Variants in DOCK3 observed in about 807,000 individuals in gnomAD.
DOCK3 encodes the protein dedicator of cytokinesis 3.
DOCK3 carries 60 observed loss-of-function variants against 265.6 expected under a neutral mutation model. The observed-to-expected ratio is 0.23, with a 90% CI of 0.18 to 0.28. The LOEUF (loss-of-function observed/expected upper bound fraction) is 0.28, where lower values mean the gene tolerates loss of function less well. Ranked by LOEUF, DOCK3 falls within the 10% of genes least tolerant of loss-of-function variation. DOCK3 has a pLI of 1.00. For missense variants in DOCK3, 1,981 were observed against 2,594.3 expected (o/e 0.76, Z 5.14); for synonymous variants, 881 against 938.0 (o/e 0.94, Z 1.11).
chr3:50,849,209 AT>A (rs1414633586), intron 3 of DOCK3, among the ~76,000 whole-genome samples: 1 of 149,990 alleles, frequency 6.7e-6, no homozygotes, highest in Non-Finnish European at 1.5e-5. Flanking sequence ...TAATTTTTTA[AT>A]TTTTTGTAGA....
intron 38 of DOCK3, among the ~76,000 whole-genome samples, chr3:51,344,434 A>G (rs1450090006): frequency 6.6e-6 from 1 of 152,238 alleles, no homozygotes; most frequent in Admixed American, 6.5e-5. Flanking sequence ...CAGCTGGCCA[A>G]CATGGTGAAA....
chr3:50,719,266 TTC>T (rs199501917), intron 1 of DOCK3, among the ~76,000 whole-genome samples: 394 of 36,672 alleles, frequency 0.011, 1 homozygote, highest in African/African-American at 0.061. Context: ...TTTAGATATT[TTC>T]TTTTTTTTTT....
Position 51,208,906 on chromosome 3 carries a change from G to C in DOCK3, c.1126+44G>C, listed in dbSNP as rs1164489241. On this transcript the variant is annotated intron_variant, in intron 13 of 52. Coordinates refer to ENST00000266037, the MANE Select transcript of DOCK3 (RefSeq NM_004947.5). ...TAGAACATTTTGTGTTACATTTGTA[G>C]TTGCTACTCATACAGCACTTAGATT... 4.5e-6 allele frequency: 7 copies of C among 1,548,428 alleles called. No homozygotes were observed. The African/African-American group carries it at 8.2e-5, about 18-fold the overall frequency.
chr3:51,271,807 C>T (rs925730295), intron 24 of DOCK3, among the ~76,000 whole-genome samples: 10 of 149,626 alleles, frequency 6.7e-5, no homozygotes, highest in African/African-American at 1.5e-4. Context: ...GCCAAGATCA[C>T]GCCATTGTAC....
At chr3:50,804,083 G>A (rs953060164) in intron 2 of DOCK3, among the ~76,000 whole-genome samples, 4 of 149,004 alleles carry the variant, frequency 2.7e-5, no homozygotes, top group Admixed American at 1.3e-4. Flanking sequence ...GGGCAGAGGC[G>A]CTCCTTACAT....
At chr3:50,724,831 T>G (rs1312825412) in intron 1 of DOCK3, among the ~76,000 whole-genome samples, 1 of 151,902 alleles carries the variant, frequency 6.6e-6, no homozygotes, top group African/African-American at 2.4e-5. Flanking sequence ...ACTTAAAGTA[T>G]ATATAAAAAG....
At chr3:50,679,318 T>A (rs770733645) in intron 1 of DOCK3, among the ~76,000 whole-genome samples, 4 of 152,182 alleles carry the variant, frequency 2.6e-5, no homozygotes, top group Non-Finnish European at 5.9e-5. Flanking sequence ...GCTTATTTTT[T>A]ATTAATCCCT....
intron 1 of DOCK3, among the ~76,000 whole-genome samples, chr3:50,701,127 G>GTT (rs372596576): frequency 0.066 from 7,516 of 113,336 alleles, 667 homozygotes; most frequent in East Asian, 0.33. Flanking sequence ...TGTGGCCCTT[G>GTT]TTTTTTTTTT....
intron 9 of DOCK3, among the ~76,000 whole-genome samples, chr3:51,112,663 G>A (rs1233917871): frequency 2.0e-5 from 3 of 152,202 alleles, no homozygotes; most frequent in African/African-American, 7.2e-5. Context: ...TTAGAGGTAT[G>A]TGAAGTGGGA....
chr3:51,018,944 C>T (rs1007982254), intron 5 of DOCK3, among the ~76,000 whole-genome samples: 2 of 151,864 alleles, frequency 1.3e-5, no homozygotes, highest in Admixed American at 1.3e-4. Context: ...TAGTCTCCTA[C>T]ACTGTAGCTT....
intron 5 of DOCK3, among the ~76,000 whole-genome samples, chr3:51,021,685 G>A (rs1373689839): frequency 8.5e-6 from 1 of 117,948 alleles, no homozygotes; most frequent in Non-Finnish European, 1.7e-5. Flanking sequence ...TTTTTGAGAC[G>A]GAGTCTCGCA....
intron 7 of DOCK3, 110 bp from the exon 8 acceptor site, chr3:51,089,133 T>C: frequency 9.2e-7 from 1 of 1,089,604 alleles, no homozygotes; most frequent in Non-Finnish European, 1.3e-6. Flanking sequence ...CAGAATTAAA[T>C]GAGATCATGA....
intron 21 of DOCK3, among the ~76,000 whole-genome samples, chr3:51,241,069 T>G (rs1013878705): frequency 2.0e-5 from 3 of 152,186 alleles, no homozygotes; most frequent in Admixed American, 1.3e-4. Context: ...GTATTGGTCT[T>G]TTCTTTGCGT....
At chr3:51,148,150 T>C (rs990550760) in intron 10 of DOCK3, among the ~76,000 whole-genome samples, 22 of 152,270 alleles carry the variant, frequency 1.4e-4, no homozygotes, top group African/African-American at 4.8e-4. Flanking sequence ...TTTTGAGAAG[T>C]GTCTGCTCAT....
intron 14 of DOCK3, among the ~76,000 whole-genome samples, chr3:51,220,875 T>A (rs1340314132): frequency 6.6e-6 from 1 of 151,910 alleles, no homozygotes; most frequent in Non-Finnish European, 1.5e-5. Context: ...TGGGATGGAA[T>A]TCCACATGGG....
At chr3:51,333,293 G>T in intron 35 of DOCK3, 40 bp downstream of exon 35, 6 of 1,586,168 alleles carry the variant, frequency 3.8e-6, no homozygotes, top group Non-Finnish European at 5.2e-6. Flanking sequence ...CCCTTGTCAG[G>T]ATACTCTCTC....
At chr3:50,863,936 A>G (rs184185968) in intron 3 of DOCK3, among the ~76,000 whole-genome samples, 97 of 152,314 alleles carry the variant, frequency 6.4e-4, no homozygotes, top group Non-Finnish European at 7.3e-5. Context: ...GTGCAGCTCT[A>G]TCGTCCACAC....
chr3:50,733,370 G>C (rs1012080744), intron 1 of DOCK3, among the ~76,000 whole-genome samples: 1 of 152,074 alleles, frequency 6.6e-6, no homozygotes, highest in Non-Finnish European at 1.5e-5. Flanking sequence ...CTCCCCTTTA[G>C]ATCTGTTAAT....
intron 2 of DOCK3, among the ~76,000 whole-genome samples, chr3:50,809,251 A>C (rs2043599803): frequency 6.6e-6 from 1 of 152,220 alleles, no homozygotes; most frequent in Admixed American, 6.5e-5. Flanking sequence ...AATCTAATAG[A>C]AGAGCAGGCA....
Sources: allele counts gnomAD v4.1 joint callset (sites outside exome capture counted in the v4.1 genomes callset), GRCh38; gene constraint gnomAD v4.1.1; transcripts MANE v1.5; gene names NCBI Gene and HGNC (gene_info 2026-07-23, HGNC 2026-07-21).